Variants in ZNF83 observed in about 807,000 individuals in gnomAD.
The protein encoded by ZNF83 is zinc finger protein 83.
For synonymous variants in ZNF83, 209 were observed against 213.0 expected (o/e 0.98, Z 0.17); for missense variants, 552 against 629.9 (o/e 0.88, Z 1.32).
chr19:52,681,269 T>G (rs1600273455), intron 1 of ZNF83, among the ~76,000 whole-genome samples: 3 of 82,524 alleles, frequency 3.6e-5, no homozygotes, highest in Admixed American at 1.6e-4. Flanking sequence ...GGTGACAGAG[T>G]GAGACTTTCT....
At chr19:52,628,780 T>C (rs923939916) in intron 2 of ZNF83, among the ~76,000 whole-genome samples, 3 of 151,882 alleles carry the variant, frequency 2.0e-5, no homozygotes, top group Non-Finnish European at 4.4e-5. Flanking sequence ...AGTCCCACTT[T>C]TCTAGGGGAG....
In ZNF83 at chr19:52,687,049, C is replaced by T. The variant is rs566205942; in HGVS notation, c.-283+3394G>A. ...ATACAAAATTGGCCCAGAGTGGTGG[C>T]GCATGCCTGTAATCCCAACTACTCA... On this transcript the variant is annotated intron_variant, in intron 1 of 5. Coordinates refer to the ZNF83 transcript ENST00000594682. Among the ~76,000 whole-genome samples the T allele has an allele frequency of 2.6e-4, 40 of 151,620 alleles. No individual in the cohort carries two copies. In the South Asian group the frequency reaches 6.7e-3, roughly 25 times the overall value.
chr19:52,679,762 A>C (rs2061877050), intron 1 of ZNF83, among the ~76,000 whole-genome samples: 1 of 152,232 alleles, frequency 6.6e-6, no homozygotes, highest in Admixed American at 6.5e-5. Context: ...CAATCATAAC[A>C]GTCAAAGTGT....
At chr19:52,640,388 T>G (rs1384762803), upstream of ZNF83, among the ~76,000 whole-genome samples, 1 of 152,148 alleles carries the variant, frequency 6.6e-6, no homozygotes, top group East Asian at 1.9e-4. Context: ...TCAAGCCCAG[T>G]GCATAGGTTG....
At chr19:52,668,893 T>C (rs921010471) in intron 1 of ZNF83, among the ~76,000 whole-genome samples, 7 of 152,114 alleles carry the variant, frequency 4.6e-5, no homozygotes, top group Admixed American at 1.3e-4. Flanking sequence ...GCTCTCTCTG[T>C]CTGCTATATC....
At chr19:52,665,965 C>T (rs2061644882) in intron 1 of ZNF83, among the ~76,000 whole-genome samples, 1 of 151,538 alleles carries the variant, frequency 6.6e-6, no homozygotes, top group South Asian at 2.1e-4. Context: ...TTGAGACCAT[C>T]CTGGCTAACA....
intron 2 of ZNF83, among the ~76,000 whole-genome samples, chr19:52,629,781 C>G (rs1206859768): frequency 6.3e-4 from 92 of 146,976 alleles, no homozygotes; most frequent in African/African-American, 1.8e-3. Flanking sequence ...GGTCAAAAGG[C>G]CGTCTTATTC....
chr19:52,612,540 G>A, exon 3 of ZNF83: 1 of 161,556 alleles, frequency 6.2e-6, no homozygotes, highest in South Asian at 1.8e-4. Flanking sequence ...CGTTACATTT[G>A]TATGGTTTCA....
upstream of ZNF83, among the ~76,000 whole-genome samples, chr19:52,641,528 G>A (rs149464780): frequency 1.8e-4 from 27 of 152,246 alleles, no homozygotes; most frequent in African/African-American, 6.5e-4. Flanking sequence ...ATATGAAGGA[G>A]TTCAGATTTT....
chr19:52,676,311 G>A (rs891416369), intron 1 of ZNF83, among the ~76,000 whole-genome samples: 4 of 152,176 alleles, frequency 2.6e-5, no homozygotes, highest in African/African-American at 7.2e-5. Context: ...GGAGTGCAGT[G>A]GCCTGATCTC....
chr19:52,682,441 G>A (rs999733884), intron 1 of ZNF83, among the ~76,000 whole-genome samples: 2 of 152,032 alleles, frequency 1.3e-5, no homozygotes, highest in Non-Finnish European at 2.9e-5. Context: ...GGGAGGCTGA[G>A]GTGGGCAGAT....
chr19:52,676,215 G>A (rs1476975440), intron 1 of ZNF83, among the ~76,000 whole-genome samples: 7 of 152,218 alleles, frequency 4.6e-5, no homozygotes, highest in African/African-American at 1.4e-4. Context: ...GCTCCTAACC[G>A]TGAGTGATCT....
At chr19:52,684,187 C>T (rs1002596967) in intron 1 of ZNF83, among the ~76,000 whole-genome samples, 1 of 151,812 alleles carries the variant, frequency 6.6e-6, no homozygotes, top group Non-Finnish European at 1.5e-5. Context: ...TGGCCAACAT[C>T]GTGAAACTGC....
At position 52,613,392 on chromosome 19, in the gene ZNF83, ATGT is replaced by A. The variant is rs568637119; in HGVS notation, c.1170_1172del (p.Gln390del). The A allele has an allele frequency of 0.011, 17,878 of 1,613,592 alleles. 200 individuals carry two copies. Among genetic ancestry groups the A allele is most frequent in the South Asian group, 0.044 (3,970 of 91,062 alleles). On this transcript the variant is annotated inframe_deletion, in exon 3 of 3. Transcript: ENST00000301096. ...GTTTCTCTCCAGTATGGATTCTGTG[ATGT>A]TGTACAAGATGTGAATTTTGACTGA...
At chr19:52,614,260 A>G (rs1262856964) in exon 3 of ZNF83, 1 of 1,614,132 alleles carries the variant, frequency 6.2e-7, no homozygotes. Flanking sequence ...GCCTTGATGA[A>G]AGGCCTTGCC....
intron 2 of ZNF83, among the ~76,000 whole-genome samples, chr19:52,620,270 C>CTGTGTGTGTGTGTGTGTG (rs377267661): frequency 0.072 from 10,241 of 142,594 alleles, 434 homozygotes; most frequent in South Asian, 0.11. Context: ...GTGTATATCT[C>CTGTGTGTGTGTGTGTGTG]TGTGTGTGTG....
intron 1 of ZNF83, among the ~76,000 whole-genome samples, chr19:52,667,861 A>G (rs1318438607): frequency 1.3e-5 from 2 of 152,238 alleles, no homozygotes; most frequent in African/African-American, 4.8e-5. Context: ...AACATTAATA[A>G]AACACTAATA....
At chr19:52,663,111 CAAGAT>C (rs372831195) in intron 1 of ZNF83, among the ~76,000 whole-genome samples, 67 of 151,942 alleles carry the variant, frequency 4.4e-4, no homozygotes, top group African/African-American at 1.4e-3. Context: ...TGCAGTGAGC[CAAGAT>C]CGTATCACTG....
intron 2 of ZNF83, among the ~76,000 whole-genome samples, chr19:52,625,877 C>T (rs539129774): frequency 6.6e-6 from 1 of 152,306 alleles, no homozygotes; most frequent in African/African-American, 2.4e-5. Flanking sequence ...ATGGCTGCCG[C>T]CCTAGCTGGA....
Sources: gnomAD v4.1 joint callset for allele counts (sites outside exome capture counted in the v4.1 genomes callset) on GRCh38, gnomAD v4.1.1 for gene constraint, MANE v1.5 for transcripts, NCBI Gene and HGNC (gene_info 2026-07-23, HGNC 2026-07-21) for gene names.